The following CDKL2 variants were observed in gnomAD, a reference collection of about 807,000 sequenced individuals.
The protein encoded by CDKL2 is cyclin dependent kinase like 2, also known as cyclin-dependent kinase-like 2.
In CDKL2, 64 loss-of-function variants were observed where a neutral mutation model predicts 63.9. That is an observed-to-expected ratio of 1.00 (90% CI 0.82 to 1.23). The LOEUF (loss-of-function observed/expected upper bound fraction) is 1.23, where lower values mean the gene tolerates loss of function less well. CDKL2 is among the 50% of genes most tolerant of loss of function. The probability of loss-of-function intolerance (pLI) is 0.00; values close to 1 mark genes in which losing one functional copy is unlikely to be tolerated. For missense variants in CDKL2, 656 were observed against 668.0 expected, an observed-to-expected ratio of 0.98 and a Z score of 0.20; for synonymous variants, 211 against 229.2, an observed-to-expected ratio of 0.92 and a Z score of 0.72.
chr4:75,628,343 C>T (rs1017672811), intron 1 of CDKL2, among the ~76,000 whole-genome samples: 1 of 152,110 alleles, frequency 6.6e-6, no homozygotes, highest in Non-Finnish European at 1.5e-5. Context: ...TATCGATCTC[C>T]TGACCTCGTG....
rs1176026679 is a variant in CDKL2 at position 75,578,141 on chromosome 4, T to C, written c.*1061A>G. ...TCCCACCTAAAAAGTTTTGGATCCA[T>C]GCATTGGAAAAGATGTGTGGAATGC... is the stretch of plus-strand genomic sequence containing the variant. On this transcript the variant is annotated 3_prime_UTR_variant, in exon 14 of 14. Transcript: ENST00000307465. 6.6e-6 allele frequency: 1 copy of C among 152,172 alleles called. No individual in the cohort carries two copies. The highest frequency in any genetic ancestry group is 1.5e-5 in the Non-Finnish European group (1 of 68,036). 9.4% of individuals were successfully genotyped at this position (152,172 alleles called of 1,614,324 possible).
rs1368140288 is a variant in CDKL2 at position 75,625,708 on chromosome 4, G to C, written c.168+113C>G. 4 of 719,024 alleles carry C rather than the reference G, an allele frequency of 5.6e-6. No homozygotes were observed. The African/African-American group carries it at 7.2e-5, about 13-fold the overall frequency. The allele number at this position is 719,024 out of a possible 1,614,324, so 44.5% of individuals were successfully genotyped here. A position where few individuals can be genotyped will look rare whatever the true frequency, so the allele number is the denominator to read the frequency against. On this transcript the variant is annotated intron_variant, in intron 2 of 13. Transcript: ENST00000307465. ...GAAGGAACAAACACTTTTAAAATCAGGTTTACATTCACCAGATAAATGAAT... is the reference window on the plus strand; with the variant it reads ...GAAGGAACAAACACTTTTAAAATCACGTTTACATTCACCAGATAAATGAAT...
chr4:75,584,888 G>A (rs1322890407), intron 12 of CDKL2, among the ~76,000 whole-genome samples: 2 of 152,084 alleles, frequency 1.3e-5, no homozygotes, highest in Non-Finnish European at 2.9e-5. Flanking sequence ...GTTGACCATA[G>A]GTAACTGAAA....
intron 3 of CDKL2, 113 bp downstream of exon 3, chr4:75,614,142 T>C: frequency 1.5e-6 from 1 of 647,902 alleles, no homozygotes. Flanking sequence ...GTATTTAGTG[T>C]TAAAGTATAC....
chr4:75,599,194 T>C (rs1484319678), intron 7 of CDKL2, among the ~76,000 whole-genome samples: 2 of 151,950 alleles, frequency 1.3e-5, no homozygotes, highest in Non-Finnish European at 2.9e-5. Flanking sequence ...GACAGACAAA[T>C]GGATTTTAAT....
Position 75,607,373 on chromosome 4 carries a change from GC to G in CDKL2, c.364-13del. On this transcript the variant is annotated splice_polypyrimidine_tract_variant and intron_variant, in intron 3 of 13. Transcript: ENST00000307465. Reference sequence around the variant, plus strand: ...TCTCTGTGTATGATCTAGACAAGAAGCAGAGTGTGACGGATGTTAAATAAAA... The same window carrying G: ...TCTCTGTGTATGATCTAGACAAGAAGAGAGTGTGACGGATGTTAAATAAAA... The G allele has an allele frequency of 6.2e-7, 1 of 1,603,278 alleles. No homozygotes were observed.
chr4:75,620,182 A>C (rs1730097132), intron 2 of CDKL2, among the ~76,000 whole-genome samples: 1 of 152,212 alleles, frequency 6.6e-6, no homozygotes, highest in South Asian at 2.1e-4. Context: ...TGACAGAGCA[A>C]GACCCTGTCT....
At chr4:75,627,731 CTTT>C (rs57328528) in intron 1 of CDKL2, among the ~76,000 whole-genome samples, 9 of 86,006 alleles carry the variant, frequency 1.0e-4, no homozygotes, top group South Asian at 4.0e-4. Context: ...CTTTTTTTTT[CTTT>C]TTTTTTTTTT....
chr4:75,618,484 C>T (rs945100639), intron 2 of CDKL2, among the ~76,000 whole-genome samples: 1 of 151,868 alleles, frequency 6.6e-6, no homozygotes, highest in Non-Finnish European at 1.5e-5. Flanking sequence ...GAACTCCCAA[C>T]CTTAGGTGAT....
At chr4:75,581,701 T>C in intron 13 of CDKL2, 109 bp downstream of exon 13, 2 of 583,574 alleles carry the variant, frequency 3.4e-6, no homozygotes, top group Admixed American at 2.9e-5. Flanking sequence ...GAAGTTCTCA[T>C]GGAATCAATC....
chr4:75,603,772 T>G (rs1578333735), intron 6 of CDKL2, 45 bp downstream of exon 6: 2 of 1,301,438 alleles, frequency 1.5e-6, no homozygotes, highest in Admixed American at 2.5e-5. Flanking sequence ...GTCTTGATAG[T>G]GCATAAATTC....
intron 10 of CDKL2, among the ~76,000 whole-genome samples, chr4:75,595,897 G>A (rs1023616801): frequency 4.0e-5 from 6 of 150,544 alleles, no homozygotes; most frequent in African/African-American, 1.2e-4. Flanking sequence ...CCACTGCACT[G>A]TAGCCTGGGC....
Position 75,600,266 on chromosome 4 carries a change from G to A in CDKL2, c.884+15C>T. The A allele has an allele frequency of 1.3e-6, 2 of 1,563,000 alleles. No individual in the cohort carries two copies. The highest frequency in any genetic ancestry group is 1.4e-5 in the African/African-American group (1 of 73,572). ...TAGGTTGGTATGGCCTGAAAAACAT[G>A]GGTAAGTACTATACCTCTCAGCAAA... On this transcript the variant is annotated intron_variant, in intron 7 of 13. Transcript: ENST00000307465.
At chr4:75,618,982 A>T (rs1354986829) in intron 2 of CDKL2, among the ~76,000 whole-genome samples, 1 of 152,232 alleles carries the variant, frequency 6.6e-6, no homozygotes, top group Non-Finnish European at 1.5e-5. Flanking sequence ...AAGCAAATGA[A>T]TATCACCTCT....
At chr4:75,595,456 C>T (rs114006309) in intron 10 of CDKL2, among the ~76,000 whole-genome samples, 16,658 of 152,040 alleles carry the variant, frequency 0.11, 1,056 homozygotes, top group Middle Eastern at 0.27. Context: ...CTCAAACTAT[C>T]CTCCCACCTC....
Position 75,596,947 on chromosome 4 carries a change from A to G in CDKL2, c.1310T>C (p.Ile437Thr). ...TACTAATTCATACCTGTAACCCTGA[A>G]TTGGTATAGTCTCAGTCCCCATTCC... The part of the protein sequence containing the change: ...NSGMGTETIP[I>T]QGYRVDEKTK... Residue 437 changes from isoleucine to threonine, a missense_variant, in exon 9 of 14, where the codon ATT (isoleucine) becomes ACT (threonine). Transcript: ENST00000307465. 6.2e-7 allele frequency: 1 copy of G among 1,610,430 alleles called. No individual in the cohort carries two copies. Among genetic ancestry groups the G allele is most frequent in the Non-Finnish European group, 8.5e-7 (1 of 1,177,060 alleles).
chr4:75,605,693 G>A (rs2148889213), intron 4 of CDKL2, 59 bp from the exon 5 acceptor site: 1 of 1,066,292 alleles, frequency 9.4e-7, no homozygotes, highest in African/African-American at 1.6e-5. Context: ...AAAACCCAAA[G>A]CTTTTTGAGC....
intron 1 of CDKL2, among the ~76,000 whole-genome samples, chr4:75,626,263 C>T (rs1200685522): frequency 6.6e-6 from 1 of 152,144 alleles, no homozygotes; most frequent in East Asian, 1.9e-4. Context: ...GGAATTGAAG[C>T]CATTAACTTT....
intron 10 of CDKL2, among the ~76,000 whole-genome samples, chr4:75,594,168 C>T (rs1490054152): frequency 6.6e-6 from 1 of 152,034 alleles, no homozygotes; most frequent in East Asian, 1.9e-4. Context: ...AAATTTTAGG[C>T]CAGCCCTGGT....
Sources: allele counts gnomAD v4.1 joint callset (sites outside exome capture counted in the v4.1 genomes callset), GRCh38; gene constraint gnomAD v4.1.1; transcripts MANE v1.5; gene names NCBI Gene and HGNC (gene_info 2026-07-23, HGNC 2026-07-21).